PRKAR2B: variants seen among roughly 807,000 people sequenced by gnomAD.
PRKAR2B encodes the protein protein kinase cAMP-dependent type II regulatory subunit beta.
Under a neutral mutation model 49.9 loss-of-function variants are expected in PRKAR2B, and 14 were observed. The observed-to-expected ratio is 0.28, with a 90% confidence interval of 0.19 to 0.44. The LOEUF (loss-of-function observed/expected upper bound fraction) is 0.44, where lower values mean the gene tolerates loss of function less well. Among genes scored for constraint, PRKAR2B ranks in the 20% least tolerant of loss-of-function variants. The pLI is 1.00. For missense variants in PRKAR2B, 393 were observed against 537.9 expected (o/e 0.73, Z 2.67); for synonymous variants, 196 against 197.7 (o/e 0.99, Z 0.07).
intron 3 of PRKAR2B, among the ~76,000 whole-genome samples, chr7:107,128,008 A>G (rs1333749148): frequency 1.3e-5 from 2 of 152,228 alleles, no homozygotes; most frequent in African/African-American, 4.8e-5. Flanking sequence ...CCTCCCCCGA[A>G]CAAGGTGAAT....
chr7:107,153,581 A>G (rs1414981854), intron 8 of PRKAR2B, among the ~76,000 whole-genome samples: 1 of 152,234 alleles, frequency 6.6e-6, no homozygotes, highest in Non-Finnish European at 1.5e-5. Context: ...AAAATTCTAT[A>G]GAGTTTTGCA....
At chr7:107,074,722 T>C (rs1196028161) in intron 2 of PRKAR2B, among the ~76,000 whole-genome samples, 1 of 152,000 alleles carries the variant, frequency 6.6e-6, no homozygotes, top group Non-Finnish European at 1.5e-5. Context: ...CGCTTGAACC[T>C]GGGAGACGGA....
At chr7:107,046,262 T>TTG (rs1408047550) in intron 1 of PRKAR2B, among the ~76,000 whole-genome samples, 1 of 152,194 alleles carries the variant, frequency 6.6e-6, no homozygotes, top group African/African-American at 2.4e-5. Flanking sequence ...TGTTTTCTCT[T>TTG]TGTGGTGTAA....
chr7:107,147,558 A>G (rs67010796), intron 6 of PRKAR2B, among the ~76,000 whole-genome samples: 12,857 of 152,302 alleles, frequency 0.084, 627 homozygotes, highest in African/African-American at 0.12. Flanking sequence ...TAATATGCTT[A>G]CAAATCACCT....
chr7:107,069,287 C>G (rs1794216793), intron 1 of PRKAR2B, among the ~76,000 whole-genome samples: 1 of 152,222 alleles, frequency 6.6e-6, no homozygotes, highest in Non-Finnish European at 1.5e-5. Context: ...CACTACACAT[C>G]TGACATAGTT....
At chr7:107,104,953 A>G (rs1472032994) in intron 2 of PRKAR2B, among the ~76,000 whole-genome samples, 1 of 152,144 alleles carries the variant, frequency 6.6e-6, no homozygotes, top group African/African-American at 2.4e-5. Context: ...CTCAGTTCCT[A>G]AATTAATCTC....
At chr7:107,047,854 C>G (rs1335751950) in intron 1 of PRKAR2B, among the ~76,000 whole-genome samples, 1 of 152,094 alleles carries the variant, frequency 6.6e-6, no homozygotes. Flanking sequence ...ACATGATATC[C>G]TTTTCTTCCC....
intron 6 of PRKAR2B, among the ~76,000 whole-genome samples, chr7:107,147,710 G>A (rs578037260): frequency 6.6e-6 from 1 of 152,320 alleles, no homozygotes; most frequent in East Asian, 1.9e-4. Flanking sequence ...TTAGGGAAAT[G>A]TTTACAGTAT....
At chr7:107,076,435 T>C (rs921503241) in intron 2 of PRKAR2B, among the ~76,000 whole-genome samples, 2 of 152,180 alleles carry the variant, frequency 1.3e-5, no homozygotes, top group Admixed American at 6.5e-5. Context: ...CCTGAAGTTT[T>C]TGAAATTTGC....
At chr7:107,079,816 A>T (rs1794482548) in intron 2 of PRKAR2B, among the ~76,000 whole-genome samples, 1 of 152,220 alleles carries the variant, frequency 6.6e-6, no homozygotes, top group Admixed American at 6.5e-5. Flanking sequence ...AGAAACAAGG[A>T]CACTCTGGAT....
At chr7:107,121,486 G>A (rs1795387873) in intron 2 of PRKAR2B, among the ~76,000 whole-genome samples, 1 of 152,072 alleles carries the variant, frequency 6.6e-6, no homozygotes, top group South Asian at 2.1e-4. Flanking sequence ...AAAAAAGACT[G>A]GAAGGAAATA....
At chr7:107,100,882 C>T (rs993267376) in intron 2 of PRKAR2B, among the ~76,000 whole-genome samples, 1 of 145,062 alleles carries the variant, frequency 6.9e-6, no homozygotes, top group Admixed American at 6.9e-5. Context: ...CGTTTTTACT[C>T]TTTGATTGAT....
intron 5 of PRKAR2B, 46 bp from the exon 6 acceptor site, chr7:107,146,262 A>T (rs1217683303): frequency 6.4e-7 from 1 of 1,558,550 alleles, no homozygotes; most frequent in Non-Finnish European, 8.7e-7. Context: ...TTTTATTTTA[A>T]TGATATTTTA....
intron 2 of PRKAR2B, among the ~76,000 whole-genome samples, chr7:107,088,725 G>A (rs1199239647): frequency 6.6e-6 from 1 of 152,024 alleles, no homozygotes; most frequent in Non-Finnish European, 1.5e-5. Flanking sequence ...TCAGCCTCTT[G>A]AGGAGTTGGG....
At chr7:107,045,525 C>T (rs1458400396) in intron 1 of PRKAR2B, among the ~76,000 whole-genome samples, 1 of 152,200 alleles carries the variant, frequency 6.6e-6, no homozygotes, top group African/African-American at 2.4e-5. Context: ...GCTAGAAAGA[C>T]AACTTTCGCT....
intron 4 of PRKAR2B, among the ~76,000 whole-genome samples, chr7:107,135,263 C>T (rs753168718): frequency 1.3e-5 from 2 of 151,928 alleles, no homozygotes; most frequent in South Asian, 2.1e-4. Context: ...TCATCCCCAC[C>T]GGGGTAGTTA....
chr7:107,099,096 C>A (rs1794905096), intron 2 of PRKAR2B, among the ~76,000 whole-genome samples: 1 of 152,244 alleles, frequency 6.6e-6, no homozygotes, highest in South Asian at 2.1e-4. Flanking sequence ...TTTTGTTCAG[C>A]TATGCCCTGC....
At chr7:107,140,594 G>A (rs1012244678) in intron 4 of PRKAR2B, among the ~76,000 whole-genome samples, 2 of 152,132 alleles carry the variant, frequency 1.3e-5, no homozygotes, top group African/African-American at 4.8e-5. Context: ...TCATTTTAAA[G>A]TGGTGATAGT....
chr7:107,050,333 C>CTT (rs57752789), intron 1 of PRKAR2B, among the ~76,000 whole-genome samples: 1,581 of 68,580 alleles, frequency 0.023, 329 homozygotes, highest in African/African-American at 0.054. Flanking sequence ...CAGTTACCAG[C>CTT]TTTTTTTTTT....
Sources: allele counts gnomAD v4.1 joint callset (sites outside exome capture counted in the v4.1 genomes callset), GRCh38; gene constraint gnomAD v4.1.1; transcripts MANE v1.5; gene names NCBI Gene and HGNC (gene_info 2026-07-23, HGNC 2026-07-21).